Variants in SGCZ observed in about 807,000 individuals in gnomAD.
SGCZ encodes the protein sarcoglycan zeta, also known as zeta-sarcoglycan.
A neutral mutation model predicts 41.3 loss-of-function variants in SGCZ; 40 were observed. The observed-to-expected ratio is 0.97, with a 90% CI of 0.75 to 1.26. The LOEUF is 1.26. SGCZ is among the 50% of genes most tolerant of loss of function. The pLI, the probability that SGCZ is intolerant of heterozygous loss-of-function variation, is 0.00. For missense variants in SGCZ, 552 were observed against 369.8 expected, an observed-to-expected ratio of 1.49 and a Z score of -4.04; for synonymous variants, 206 against 137.5, an observed-to-expected ratio of 1.50 and a Z score of -3.49.
intron 1 of SGCZ, among the ~76,000 whole-genome samples, chr8:15,230,260 A>G (rs979612038): frequency 2.8e-4 from 42 of 152,068 alleles, no homozygotes; most frequent in African/African-American, 9.7e-4. Flanking sequence ...TAGCTCAAAT[A>G]CTGTCACTCT....
rs547448719 is a variant in SGCZ at position 14,677,686 on chromosome 8, G to A, written c.40-122760C>T. Among the ~76,000 whole-genome samples, 16 of 152,188 alleles carry A rather than the reference G, an allele frequency of 1.1e-4. No homozygotes were observed. In the South Asian group the frequency reaches 1.5e-3, roughly 14 times the overall value. On this transcript the variant is annotated intron_variant, in intron 1 of 7. Coordinates refer to ENST00000382080, the MANE Select transcript of SGCZ (RefSeq NM_139167.4). Reference sequence around the variant, plus strand: ...CTCAGGAGGCTGAGGCAAGAGAATCGCTTGAACCTGGGAGGCAGAGGTTGC... The same window carrying A: ...CTCAGGAGGCTGAGGCAAGAGAATCACTTGAACCTGGGAGGCAGAGGTTGC...
chr8:14,860,570 G>C (rs1803696360), intron 1 of SGCZ, among the ~76,000 whole-genome samples: 1 of 136,688 alleles, frequency 7.3e-6, no homozygotes. Context: ...AGGAAAGAAA[G>C]AAAAGAAAAA....
chr8:14,456,527 T>C (rs1422864860), intron 2 of SGCZ, among the ~76,000 whole-genome samples: 2 of 152,096 alleles, frequency 1.3e-5, no homozygotes, highest in African/African-American at 2.4e-5. Flanking sequence ...TAGGAAAACA[T>C]GCATGTATCT....
At chr8:14,602,201 A>C (rs1805616308) in intron 1 of SGCZ, among the ~76,000 whole-genome samples, 1 of 152,164 alleles carries the variant, frequency 6.6e-6, no homozygotes, top group South Asian at 2.1e-4. Context: ...AGAGCTTCAG[A>C]GAAAATATTA....
At chr8:14,298,673 A>C (rs2116965261) in intron 3 of SGCZ, among the ~76,000 whole-genome samples, 1 of 152,142 alleles carries the variant, frequency 6.6e-6, no homozygotes, top group Admixed American at 6.5e-5. Flanking sequence ...AATATTTCTG[A>C]AAGGAATTAT....
intron 3 of SGCZ, among the ~76,000 whole-genome samples, chr8:14,280,143 A>G (rs1209457644): frequency 6.6e-6 from 1 of 151,958 alleles, no homozygotes; most frequent in Non-Finnish European, 1.5e-5. Context: ...AGAAAACTGT[A>G]TACAGAATCT....
At chr8:14,265,473 G>C (rs1799836518) in intron 3 of SGCZ, among the ~76,000 whole-genome samples, 1 of 151,976 alleles carries the variant, frequency 6.6e-6, no homozygotes, top group African/African-American at 2.4e-5. Flanking sequence ...ATATTTGTTG[G>C]CCAAAGATTT....
chr8:15,012,568 AATAT>A (rs1802867102), intron 1 of SGCZ, among the ~76,000 whole-genome samples: 1 of 113,296 alleles, frequency 8.8e-6, no homozygotes, highest in Admixed American at 1.2e-4. Context: ...ATAACATATA[AATAT>A]ATATTTATAT....
chr8:15,043,771 C>CA (rs1338556079), intron 1 of SGCZ, among the ~76,000 whole-genome samples: 1 of 151,682 alleles, frequency 6.6e-6, no homozygotes, highest in Non-Finnish European at 1.5e-5. Context: ...ATTTGTGAGC[C>CA]AAAAAAATAT....
chr8:14,966,598 TA>T (rs894393890), intron 1 of SGCZ, among the ~76,000 whole-genome samples: 3 of 152,132 alleles, frequency 2.0e-5, no homozygotes, highest in African/African-American at 7.2e-5. Flanking sequence ...CCATATTTAC[TA>T]ATTTCCATTT....
intron 1 of SGCZ, among the ~76,000 whole-genome samples, chr8:15,145,002 A>T (rs1799000236): frequency 6.6e-6 from 1 of 152,162 alleles, no homozygotes; most frequent in South Asian, 2.1e-4. Context: ...CTGTGATTTT[A>T]GCTGTTTAGC....
chr8:15,141,244 G>C (rs1217897995), intron 1 of SGCZ, among the ~76,000 whole-genome samples: 2 of 152,192 alleles, frequency 1.3e-5, no homozygotes, highest in Non-Finnish European at 1.5e-5. Flanking sequence ...CCAGGGACTG[G>C]TGGTAGGGGT....
At chr8:14,275,206 T>G (rs1800188215) in intron 3 of SGCZ, among the ~76,000 whole-genome samples, 1 of 152,064 alleles carries the variant, frequency 6.6e-6, no homozygotes, top group Non-Finnish European at 1.5e-5. Context: ...AGTTTTCTAA[T>G]CAGTATGGAA....
chr8:14,180,252 G>A (rs929657894), intron 4 of SGCZ, among the ~76,000 whole-genome samples: 1 of 152,178 alleles, frequency 6.6e-6, no homozygotes, highest in African/African-American at 2.4e-5. Flanking sequence ...CACCTCCAGG[G>A]TGGCATAATT....
At chr8:14,525,247 C>T (rs1367997234) in intron 2 of SGCZ, among the ~76,000 whole-genome samples, 3 of 152,060 alleles carry the variant, frequency 2.0e-5, no homozygotes, top group African/African-American at 7.2e-5. Context: ...ATAGGTTCAT[C>T]TTTAGCCAGG....
At chr8:14,821,525 T>C (rs1802084361) in intron 1 of SGCZ, among the ~76,000 whole-genome samples, 1 of 151,972 alleles carries the variant, frequency 6.6e-6, no homozygotes, top group Non-Finnish European at 1.5e-5. Context: ...ATATATAATA[T>C]AGGCTAATAT....
chr8:14,854,916 G>A (rs921204777), intron 1 of SGCZ, among the ~76,000 whole-genome samples: 1 of 151,068 alleles, frequency 6.6e-6, no homozygotes, highest in South Asian at 2.1e-4. Context: ...ATGTCCACAG[G>A]GGCCTGAACA....
chr8:14,608,258 G>C (rs948200364), intron 1 of SGCZ, among the ~76,000 whole-genome samples: 1 of 96,360 alleles, frequency 1.0e-5, no homozygotes, highest in Non-Finnish European at 2.2e-5. Flanking sequence ...CTTTATTTGA[G>C]GCTTTTTTTT....
chr8:14,721,193 C>T (rs1009996060), intron 1 of SGCZ, among the ~76,000 whole-genome samples: 11 of 152,262 alleles, frequency 7.2e-5, no homozygotes, highest in Admixed American at 2.6e-4. Flanking sequence ...TTCTTTGTTA[C>T]TAACACTCAT....
Sources: allele counts gnomAD v4.1 joint callset (sites outside exome capture counted in the v4.1 genomes callset), GRCh38; gene constraint gnomAD v4.1.1; transcripts MANE v1.5; gene names NCBI Gene and HGNC (gene_info 2026-07-23, HGNC 2026-07-21).